Variants in TMEM178A observed in about 807,000 individuals in gnomAD.
TMEM178A encodes the protein transmembrane protein 178.
A neutral mutation model predicts 29.1 loss-of-function variants in TMEM178A; 12 were observed. The ratio of observed to expected loss-of-function variants is 0.41; its 90% CI spans 0.26 to 0.67. The LOEUF is 0.67. Among genes scored for constraint, TMEM178A ranks in the 30% least tolerant of loss-of-function variants. TMEM178A has a pLI of 0.29. For synonymous variants in TMEM178A, 210 were observed against 187.2 expected, an observed-to-expected ratio of 1.12 and a Z score of -0.99; for missense variants, 366 against 419.1, an observed-to-expected ratio of 0.87 and a Z score of 1.11.
In TMEM178A at chr2:39,666,193, G is replaced by A. The variant is rs1407139078; in HGVS notation, c.219G>A (p.Leu73=). The part of the protein sequence containing the change: ...SHLPLRDSPP[L]GRRLLPGGPG... ...TGCCGCTGCGGGACTCGCCCCCGCT[G>A]GGGCGCCGGCTGCTCCCGGGCGGCC... Residue 73 remains leucine, a synonymous_variant, in exon 1 of 4, where the codon CTG becomes CTA. Coordinates refer to ENST00000281961, the MANE Select transcript of TMEM178A (RefSeq NM_152390.3). 4.9e-6 allele frequency: 7 copies of A among 1,439,278 alleles called. No homozygotes were observed. In the South Asian group the frequency reaches 7.1e-5, roughly 15 times the overall value. 89.2% of individuals were successfully genotyped at this position (1,439,278 alleles called of 1,614,324 possible).
intron 3 of TMEM178A, among the ~76,000 whole-genome samples, chr2:39,714,491 C>T (rs1409580675): frequency 6.6e-6 from 1 of 152,148 alleles, no homozygotes; most frequent in African/African-American, 2.4e-5. Flanking sequence ...GCCATGAAAT[C>T]CCATACTTTT....
At chr2:39,680,913 C>T (rs940319457) in intron 1 of TMEM178A, among the ~76,000 whole-genome samples, 1 of 151,980 alleles carries the variant, frequency 6.6e-6, no homozygotes, top group Non-Finnish European at 1.5e-5. Flanking sequence ...TTTAATAATT[C>T]TGTGTTAAAT....
downstream of TMEM178A, among the ~76,000 whole-genome samples, chr2:39,719,022 A>G (rs926081636): frequency 6.6e-6 from 1 of 152,128 alleles, no homozygotes; most frequent in Non-Finnish European, 1.5e-5. Flanking sequence ...GTGTCCACAT[A>G]TTGTCATGTA....
Position 39,707,711 on chromosome 2 carries a change from C to G in TMEM178A, c.652+525C>G, listed in dbSNP as rs550110094. Among the ~76,000 whole-genome samples, 49 of 152,288 alleles carry G rather than the reference C, an allele frequency of 3.2e-4. No homozygotes were observed. In the South Asian group the frequency reaches 0.01, roughly 32 times the overall value. On this transcript the variant is annotated intron_variant, in intron 3 of 3. Coordinates refer to ENST00000281961, the MANE Select transcript of TMEM178A (RefSeq NM_152390.3). The stretch of plus-strand genomic sequence containing the variant: ...GAACTCCTGACCTCAGGTGATCTGC[C>G]TGCCTCAGCCTCCCAAAGTGCTGGG...
In TMEM178A at chr2:39,671,811, C is replaced by G. The variant is rs990209931; in HGVS notation, c.400+5437C>G. Among the ~76,000 whole-genome samples, 8 of 152,324 alleles carry G rather than the reference C, an allele frequency of 5.3e-5. No individual in the cohort carries two copies. The East Asian group carries it at 1.2e-3, about 22-fold the overall frequency. On this transcript the variant is annotated intron_variant, in intron 1 of 3. Transcript: ENST00000281961. ...AGACCGCACTCTCAAGACTGCTTCTCTCACTGCTCAGAGCCAAGTCTCTCA... is the reference window on the plus strand; with the variant it reads ...AGACCGCACTCTCAAGACTGCTTCTGTCACTGCTCAGAGCCAAGTCTCTCA...
chr2:39,719,924 C>G (rs1473922949), downstream of TMEM178A, among the ~76,000 whole-genome samples: 1 of 152,028 alleles, frequency 6.6e-6, no homozygotes, highest in Non-Finnish European at 1.5e-5. Flanking sequence ...TACTGAATGG[C>G]TATTATGTGC....
At chr2:39,707,026 G>C in intron 2 of TMEM178A, 23 bp from the exon 3 acceptor site, 1 of 1,587,088 alleles carries the variant, frequency 6.3e-7, no homozygotes, top group Non-Finnish European at 8.6e-7. Flanking sequence ...GATTGTGAAT[G>C]TCTGTGTCTG....
chr2:39,712,725 G>T (rs1672363645), intron 3 of TMEM178A, among the ~76,000 whole-genome samples: 1 of 152,082 alleles, frequency 6.6e-6, no homozygotes, highest in African/African-American at 2.4e-5. Context: ...CTAGGCAGGG[G>T]AGAAGTGGAA....
intron 1 of TMEM178A, among the ~76,000 whole-genome samples, chr2:39,686,351 G>T (rs536303465): frequency 9.2e-4 from 140 of 152,204 alleles, no homozygotes; most frequent in South Asian, 3.9e-3. Context: ...GGTAAAAGGG[G>T]ATAATCCATA....
In TMEM178A at chr2:39,666,287, C is replaced by T; in HGVS notation, c.313C>T (p.Arg105Trp). 1 of 1,415,930 alleles carries T rather than the reference C, an allele frequency of 7.1e-7. No homozygotes were observed. Among genetic ancestry groups the T allele is most frequent in the Non-Finnish European group, 9.2e-7 (1 of 1,083,860 alleles). The allele number at this position is 1,415,930 out of a possible 1,614,324, so 87.7% of individuals were successfully genotyped here. A position where few individuals can be genotyped will look rare whatever the true frequency, so the allele number is the denominator to read the frequency against. The stretch of plus-strand genomic sequence containing the variant: ...CGGCGGGCTGGACGCCGAGTGCGGC[C>T]GGCCCCTCTTCGCCACCTACTCGGG... ...GLGGLDAECGRPLFATYSGLW... is the reference protein window; with the variant it reads ...GLGGLDAECGWPLFATYSGLW... The change falls in exon 1 of 4, where the codon CGG becomes TGG. Residue 105 changes from arginine to tryptophan, a missense_variant. Coordinates refer to ENST00000281961, the MANE Select transcript of TMEM178A (RefSeq NM_152390.3).
At chr2:39,676,732 T>C (rs1221816801) in intron 1 of TMEM178A, among the ~76,000 whole-genome samples, 1 of 152,110 alleles carries the variant, frequency 6.6e-6, no homozygotes, top group African/African-American at 2.4e-5. Flanking sequence ...CCACACAAGA[T>C]AGAGCCTGAA....
intron 3 of TMEM178A, among the ~76,000 whole-genome samples, chr2:39,712,233 A>G (rs1348600806): frequency 6.6e-6 from 1 of 152,090 alleles, no homozygotes; most frequent in Non-Finnish European, 1.5e-5. Context: ...GAGCAGGGGA[A>G]AAAAATCAAT....
intron 1 of TMEM178A, among the ~76,000 whole-genome samples, chr2:39,674,670 A>G (rs1404146484): frequency 6.6e-6 from 1 of 152,224 alleles, no homozygotes; most frequent in Non-Finnish European, 1.5e-5. Flanking sequence ...GGAAAAACAA[A>G]ATAAAAAAAA....
intron 1 of TMEM178A, among the ~76,000 whole-genome samples, chr2:39,696,799 C>G (rs540154873): frequency 6.6e-6 from 1 of 152,084 alleles, no homozygotes. Flanking sequence ...CATTTCTAAC[C>G]CCCTGTGCAA....
chr2:39,715,830 C>T (rs2540232), intron 3 of TMEM178A, among the ~76,000 whole-genome samples: 5,703 of 152,210 alleles, frequency 0.037, 338 homozygotes, highest in African/African-American at 0.13. Flanking sequence ...GCTGCCTGCC[C>T]TGAATTTGTT....
chr2:39,675,446 T>A (rs1670577410), intron 1 of TMEM178A, among the ~76,000 whole-genome samples: 1 of 152,168 alleles, frequency 6.6e-6, no homozygotes, highest in Admixed American at 6.5e-5. Flanking sequence ...ATGTGACAGT[T>A]ACTGAAATAA....
chr2:39,667,308 C>G (rs1670210040), intron 1 of TMEM178A, among the ~76,000 whole-genome samples: 1 of 149,166 alleles, frequency 6.7e-6, no homozygotes, highest in Admixed American at 6.7e-5. Context: ...CAACACCTGT[C>G]TTCTGTGAAT....
chr2:39,706,401 G>A (rs1672036242), intron 2 of TMEM178A, among the ~76,000 whole-genome samples: 1 of 152,190 alleles, frequency 6.6e-6, no homozygotes, highest in Admixed American at 6.5e-5. Context: ...GTGTTTATGA[G>A]CACATGTATC....
chr2:39,672,094 C>T (rs752972510), intron 1 of TMEM178A, among the ~76,000 whole-genome samples: 2 of 152,138 alleles, frequency 1.3e-5, no homozygotes, highest in African/African-American at 2.4e-5. Context: ...GCTGAACATA[C>T]CCAAGTGTGA....
Sources: allele counts gnomAD v4.1 joint callset (sites outside exome capture counted in the v4.1 genomes callset), GRCh38; gene constraint gnomAD v4.1.1; transcripts MANE v1.5; gene names NCBI Gene and HGNC (gene_info 2026-07-23, HGNC 2026-07-21).